KIRREL3: variants seen among roughly 807,000 people sequenced by gnomAD.
KIRREL3 encodes the protein kirre like nephrin family adhesion molecule 3.
Under a neutral mutation model 89.7 loss-of-function variants are expected in KIRREL3, and 36 were observed. That is an observed-to-expected ratio of 0.40 (90% CI 0.31 to 0.53). The LOEUF is 0.53. Ranked by LOEUF, KIRREL3 falls within the 20% of genes least tolerant of loss-of-function variation. KIRREL3 has a pLI of 0.49. For synonymous variants in KIRREL3, 445 were observed against 441.4 expected (o/e 1.01, Z -0.10); for missense variants, 864 against 1,056.6 (o/e 0.82, Z 2.53).
intron 1 of KIRREL3, among the ~76,000 whole-genome samples, chr11:126,720,137 T>C (rs562470498): frequency 6.6e-6 from 1 of 152,360 alleles, no homozygotes; most frequent in South Asian, 2.1e-4. Flanking sequence ...ACTTATTGCC[T>C]GACACAGCAT....
rs960820693 is a variant in KIRREL3, at chr11:126,709,369, G to A, written c.56-146457C>T. Among the ~76,000 whole-genome samples, 4 of 152,164 alleles carry A rather than the reference G, an allele frequency of 2.6e-5. No individual in the cohort carries two copies. In the East Asian group the frequency reaches 5.8e-4, roughly 22 times the overall value. ...GTAGGGGTGGAGGGGCAGCACCCCCGGGCAGAAGATGCAGCCAAACAGGAA... is the reference window on the plus strand; with the variant it reads ...GTAGGGGTGGAGGGGCAGCACCCCCAGGCAGAAGATGCAGCCAAACAGGAA... On this transcript the variant is annotated intron_variant, in intron 1 of 16. Coordinates refer to ENST00000525144, the MANE Select transcript of KIRREL3 (RefSeq NM_032531.4). The surrounding 1 kb of genome is among the most constrained non-coding windows in gnomAD (Gnocchi z 4.0).
Position 126,721,722 on chromosome 11 carries a change from A to G in KIRREL3, c.56-158810T>C, listed in dbSNP as rs185227207. On this transcript the variant is annotated intron_variant, in intron 1 of 16. Coordinates refer to ENST00000525144, the MANE Select transcript of KIRREL3 (RefSeq NM_032531.4). ...AGTCAGGGGATGAGCTTGAGCCCCC[A>G]TAACTGCGCTCTCCCCTAGGGTCTG... Among the ~76,000 whole-genome samples, 129 of 152,262 alleles carry G rather than the reference A, an allele frequency of 8.5e-4. 2 individuals are homozygous for G. The South Asian group carries it at 0.024, about 28-fold the overall frequency.
chr11:126,893,359 T>G (rs1946002019), intron 1 of KIRREL3, among the ~76,000 whole-genome samples: 1 of 152,220 alleles, frequency 6.6e-6, no homozygotes, highest in African/African-American at 2.4e-5. Flanking sequence ...CTTCTAAACT[T>G]AAGTCATAGC....
chr11:126,556,898 G>A (rs1432088910), intron 2 of KIRREL3, among the ~76,000 whole-genome samples: 13 of 152,150 alleles, frequency 8.5e-5, no homozygotes, highest in Non-Finnish European at 1.9e-4. Flanking sequence ...TACAAATAAC[G>A]GGCTTTGCAG....
chr11:126,856,584 T>C (rs865858284), intron 1 of KIRREL3, among the ~76,000 whole-genome samples: 3 of 49,962 alleles, frequency 6.0e-5, no homozygotes, highest in South Asian at 1.4e-3. Context: ...TATATATATA[T>C]ATATATATAT....
Position 126,627,027 on chromosome 11 carries a change from GAAT to G in KIRREL3, c.56-64118_56-64116del, listed in dbSNP as rs895348617. 1.4e-5 allele frequency among the ~76,000 whole-genome samples: 2 copies of G among 146,392 alleles called. No homozygotes were observed. The highest frequency in any genetic ancestry group is 5.0e-5 in the African/African-American group (2 of 40,022). On this transcript the variant is annotated intron_variant, in intron 1 of 16. Coordinates refer to ENST00000525144, the MANE Select transcript of KIRREL3 (RefSeq NM_032531.4). The surrounding 1 kb of genome is among the most constrained non-coding windows in gnomAD (Gnocchi z 5.0). Reference sequence around the variant, plus strand: ...AGAAAAAAAAAAAACAAAAAAAAAAGAATAACCACAGTTTTGAAGCCTCAAAGG... The same window carrying G: ...AGAAAAAAAAAAAACAAAAAAAAAAGAACCACAGTTTTGAAGCCTCAAAGG...
At chr11:126,661,954 C>T (rs1945423167) in intron 1 of KIRREL3, among the ~76,000 whole-genome samples, 1 of 151,994 alleles carries the variant, frequency 6.6e-6, no homozygotes, top group Admixed American at 6.5e-5. Flanking sequence ...TTCTTCTTTA[C>T]AGGATGACAG....
At position 126,766,521 on chromosome 11, in the gene KIRREL3, C is replaced by T. The variant is rs150497496; in HGVS notation, c.56-203609G>A. Among the ~76,000 whole-genome samples the T allele has an allele frequency of 4.1e-3, 619 of 152,178 alleles. 4 individuals are homozygous for T. Among genetic ancestry groups the T allele is most frequent in the African/African-American group, 0.014 (591 of 41,514 alleles). On this transcript the variant is annotated intron_variant, in intron 1 of 16. Transcript: ENST00000525144. This position sits in a 1 kb window ranked among gnomAD's most constrained non-coding sequence, Gnocchi z 4.2. Reference sequence around the variant, plus strand: ...AGCACACAACCGCGTGTTGCTAACTCGGCAAACAGGTTTCCAGGGCAGGTG... The same window carrying T: ...AGCACACAACCGCGTGTTGCTAACTTGGCAAACAGGTTTCCAGGGCAGGTG...
In KIRREL3 at chr11:126,636,437, G is replaced by C. The variant is rs551357282; in HGVS notation, c.56-73525C>G. On this transcript the variant is annotated intron_variant, in intron 1 of 16. Transcript: ENST00000525144. The surrounding 1 kb of genome is among the most constrained non-coding windows in gnomAD (Gnocchi z 4.4). ...CTGGCACTTGTTCTGTTGAGAGTCTGTGATGCCCAAACCTTGGAATTAACC... is the reference window on the plus strand; with the variant it reads ...CTGGCACTTGTTCTGTTGAGAGTCTCTGATGCCCAAACCTTGGAATTAACC... 6.6e-6 allele frequency among the ~76,000 whole-genome samples: 1 copy of C among 152,268 alleles called. No individual in the cohort carries two copies. The highest frequency in any genetic ancestry group is 1.9e-4 in the East Asian group (1 of 5,182).
At position 126,684,816 on chromosome 11, in the gene KIRREL3, G is replaced by A. The variant is rs967665545; in HGVS notation, c.56-121904C>T. 3.9e-5 allele frequency among the ~76,000 whole-genome samples: 6 copies of A among 152,254 alleles called. No homozygotes were observed. The highest frequency in any genetic ancestry group is 2.1e-4 in the South Asian group (1 of 4,810). ...GAAAGGTGCGGCAGGTTGCGTGTGC[G>A]GGAGGGGAGAGGTAGTGTTGGCTTG... On this transcript the variant is annotated intron_variant, in intron 1 of 16. Transcript: ENST00000525144. The surrounding 1 kb of genome is among the most constrained non-coding windows in gnomAD (Gnocchi z 4.2).
rs951224063 is a variant in KIRREL3 at position 126,676,909 on chromosome 11, C to T, written c.56-113997G>A. On this transcript the variant is annotated intron_variant, in intron 1 of 16. Transcript: ENST00000525144. The surrounding 1 kb of genome is among the most constrained non-coding windows in gnomAD (Gnocchi z 4.5). ...AAGCGGTCGTCCTGCCTAAACCTCC[C>T]GAGTAGCTGGGACTACAGGCATGCA... 5.3e-5 allele frequency among the ~76,000 whole-genome samples: 8 copies of T among 152,012 alleles called. No individual in the cohort carries two copies. The highest frequency in any genetic ancestry group is 2.1e-4 in the South Asian group (1 of 4,812).
intron 1 of KIRREL3, among the ~76,000 whole-genome samples, chr11:126,598,247 A>ATTT (rs1942490729): frequency 2.6e-5 from 4 of 152,350 alleles, no homozygotes; most frequent in Admixed American, 2.6e-4. Context: ...GGAAGTGGAA[A>ATTT]GAATTTTGGA....
intron 1 of KIRREL3, among the ~76,000 whole-genome samples, chr11:126,824,830 T>G (rs989287015): frequency 1.3e-5 from 2 of 152,226 alleles, no homozygotes; most frequent in African/African-American, 2.4e-5. Flanking sequence ...TTCTGTCTTT[T>G]GTCCCGCACC....
chr11:126,949,959 A>C (rs1948730637), intron 1 of KIRREL3, among the ~76,000 whole-genome samples: 1 of 152,270 alleles, frequency 6.6e-6, no homozygotes, highest in Admixed American at 6.5e-5. Context: ...CTGTGTGTTT[A>C]GGGTTCAAGA....
rs1944719606 is a variant in KIRREL3, at chr11:126,647,083, A to G, written c.56-84171T>C. On this transcript the variant is annotated intron_variant, in intron 1 of 16. Coordinates refer to ENST00000525144, the MANE Select transcript of KIRREL3 (RefSeq NM_032531.4). This position sits in a 1 kb window ranked among gnomAD's most constrained non-coding sequence, Gnocchi z 4.9. ...ATTTAGAAAGTATTACTCATCTTCC[A>G]ACCACTGACAAACAGGAGGCTCGGC... 6.6e-6 allele frequency among the ~76,000 whole-genome samples: 1 copy of G among 152,338 alleles called. No homozygotes were observed. Among genetic ancestry groups the G allele is most frequent in the South Asian group, 2.1e-4 (1 of 4,832 alleles).
chr11:126,530,703 G>A lies in KIRREL3; in HGVS notation c.134-4016C>T, dbSNP rs975400759. Among the ~76,000 whole-genome samples the A allele has an allele frequency of 9.2e-5, 14 of 152,234 alleles. No individual in the cohort carries two copies. Among genetic ancestry groups the A allele is most frequent in the Non-Finnish European group, 1.5e-5 (1 of 68,042 alleles). ...CTCAGGTCCTGCTCTCAGTGGAGAT[G>A]TGACACACCCAGCACCTTCCACCGG... is the stretch of plus-strand genomic sequence containing the variant. On this transcript the variant is annotated intron_variant, in intron 2 of 16. Coordinates refer to ENST00000525144, the MANE Select transcript of KIRREL3 (RefSeq NM_032531.4). This position sits in a 1 kb window ranked among gnomAD's most constrained non-coding sequence, Gnocchi z 5.8.
chr11:126,662,609 A>C (rs948121918), intron 1 of KIRREL3, among the ~76,000 whole-genome samples: 1 of 152,214 alleles, frequency 6.6e-6, no homozygotes, highest in Non-Finnish European at 1.5e-5. Context: ...CATTAATCCC[A>C]TTAATGAGGA....
Position 126,431,454 on chromosome 11 carries a change from G to T in KIRREL3, c.1661C>A (p.Thr554Asn), listed in dbSNP as rs1955125199. Residue 554 changes from threonine (T) to asparagine (N), a missense_variant, in exon 14 of 17, where the codon ACC becomes AAC. Transcript: ENST00000525144. The surrounding 1 kb of genome is among the most constrained non-coding windows in gnomAD (Gnocchi z 7.1). ...AGVAFLVLMA[T>N]IVAFCCARSQ... is the part of the protein sequence containing the mutation. ...ACGGGCACAGCAGAACGCCACGATG[G>T]TTGCCATAAGGACGAGGAAGGCCAC... 6.2e-7 allele frequency: 1 copy of T among 1,614,020 alleles called. No individual in the cohort carries two copies. Among genetic ancestry groups the T allele is most frequent in the Non-Finnish European group, 8.5e-7 (1 of 1,179,902 alleles).
intron 1 of KIRREL3, among the ~76,000 whole-genome samples, chr11:126,826,604 C>A (rs370643884): frequency 1.3e-5 from 2 of 152,118 alleles, no homozygotes; most frequent in South Asian, 2.1e-4. Context: ...TGAACTTTCA[C>A]GGCTAAGAAG....
Sources: gnomAD v4.1 joint callset for allele counts (sites outside exome capture counted in the v4.1 genomes callset) on GRCh38, gnomAD v4.1.1 for gene constraint, Gnocchi (gnomAD v3.1) non-coding constraint, MANE v1.5 for transcripts, NCBI Gene and HGNC (gene_info 2026-07-23, HGNC 2026-07-21) for gene names.